Variants in CDH13 observed in about 807,000 individuals in gnomAD.
CDH13 encodes the protein cadherin-13.
Under a neutral mutation model 63.8 loss-of-function variants are expected in CDH13, and 24 were observed. That is an observed-to-expected ratio of 0.38 (90% CI 0.27 to 0.53). The LOEUF (loss-of-function observed/expected upper bound fraction) is 0.53, where lower values mean the gene tolerates loss of function less well. Among genes scored for constraint, CDH13 ranks in the 20% least tolerant of loss-of-function variants. The pLI is 0.85. For missense variants in CDH13, 1,049 were observed against 903.1 expected, an observed-to-expected ratio of 1.16 and a Z score of -2.07; for synonymous variants, 503 against 355.3, an observed-to-expected ratio of 1.42 and a Z score of -4.67.
intron 11 of CDH13, among the ~76,000 whole-genome samples, chr16:83,766,190 A>T (rs866719036): frequency 1.3e-5 from 2 of 152,172 alleles, no homozygotes; most frequent in Non-Finnish European, 2.9e-5. Context: ...GCCCCACCAC[A>T]CACTGTTTTC....
At chr16:83,180,811 G>C (rs2038321244) in intron 4 of CDH13, 7 of 1,176,758 alleles carry the variant, frequency 5.9e-6, no homozygotes, top group Non-Finnish European at 8.5e-6. Flanking sequence ...GTAGTCATTT[G>C]TTGGCTTGTT....
At chr16:83,215,989 C>G (rs900279928) in intron 4 of CDH13, among the ~76,000 whole-genome samples, 4 of 149,524 alleles carry the variant, frequency 2.7e-5, no homozygotes, top group Admixed American at 2.7e-4. Context: ...AAAAGACCAC[C>G]CCCCATACTT....
At chr16:83,514,235 C>T (rs1241002972) in intron 7 of CDH13, among the ~76,000 whole-genome samples, 1 of 152,182 alleles carries the variant, frequency 6.6e-6, no homozygotes, top group Non-Finnish European at 1.5e-5. Flanking sequence ...GGGTCCTCCC[C>T]AAATTCATGT....
intron 2 of CDH13, among the ~76,000 whole-genome samples, chr16:82,925,526 A>G (rs2042275841): frequency 6.6e-6 from 1 of 152,232 alleles, no homozygotes; most frequent in Non-Finnish European, 1.5e-5. Flanking sequence ...GTCATGCACT[A>G]GCTGCAGAGG....
In CDH13 at chr16:82,991,919, CT is replaced by C. The variant is rs545204945; in HGVS notation, c.158-40086del. 3.1e-4 allele frequency among the ~76,000 whole-genome samples: 47 copies of C among 152,040 alleles called. No individual in the cohort carries two copies. In the South Asian group the frequency reaches 9.6e-3, roughly 31 times the overall value. On this transcript the variant is annotated intron_variant, in intron 2 of 13. Coordinates refer to ENST00000567109, the MANE Select transcript of CDH13 (RefSeq NM_001257.5). Reference sequence around the variant, plus strand: ...AGTGATATAAAGAAATTTACCAGAACTTTTTCCATTAATCAAAAAGAAGGTA... The same window carrying C: ...AGTGATATAAAGAAATTTACCAGAACTTTTCCATTAATCAAAAAGAAGGTA...
At chr16:82,986,538 T>A (rs956042149) in intron 2 of CDH13, among the ~76,000 whole-genome samples, 2 of 152,140 alleles carry the variant, frequency 1.3e-5, no homozygotes, top group Non-Finnish European at 2.9e-5. Flanking sequence ...CACACCCGAG[T>A]GTTATCTGGA....
chr16:83,344,796 A>G, intron 5 of CDH13, 66 bp from the exon 6 acceptor site: 3 of 1,566,498 alleles, frequency 1.9e-6, no homozygotes, highest in Non-Finnish European at 2.6e-6. Flanking sequence ...TTCTCTAGAG[A>G]ACCTTATTTG....
chr16:82,796,909 T>C (rs1254818601), intron 1 of CDH13, among the ~76,000 whole-genome samples: 2 of 152,232 alleles, frequency 1.3e-5, no homozygotes, highest in African/African-American at 2.4e-5. Flanking sequence ...TGGGAGACTA[T>C]TGACTCTGCT....
chr16:83,753,148 T>C (rs910944481), intron 11 of CDH13, among the ~76,000 whole-genome samples: 12 of 152,184 alleles, frequency 7.9e-5, no homozygotes, highest in Non-Finnish European at 1.0e-4. Context: ...AAAAAGCCCT[T>C]ATAAATCAGA....
At chr16:83,197,270 G>GAT (rs1567498224) in intron 4 of CDH13, among the ~76,000 whole-genome samples, 1 of 138,546 alleles carries the variant, frequency 7.2e-6, no homozygotes, top group African/African-American at 3.0e-5. Flanking sequence ...GTGTATCATA[G>GAT]GTATATATAT....
intron 6 of CDH13, among the ~76,000 whole-genome samples, chr16:83,454,714 AT>A (rs34207129): frequency 0.78 from 116,740 of 149,864 alleles, 45,395 homozygotes; most frequent in East Asian, 0.83. Context: ...TGTTCTATTG[AT>A]TTTTTTTTTT....
At chr16:82,854,774 C>A (rs964300796) in intron 1 of CDH13, among the ~76,000 whole-genome samples, 6 of 152,190 alleles carry the variant, frequency 3.9e-5, no homozygotes, top group Non-Finnish European at 7.3e-5. Flanking sequence ...CCAGAGAGAT[C>A]TATATTTTCC....
chr16:82,659,481 CA>C (rs1332232013), intron 1 of CDH13, among the ~76,000 whole-genome samples: 2 of 152,134 alleles, frequency 1.3e-5, no homozygotes, highest in Admixed American at 6.5e-5. Context: ...AGTCCATTCT[CA>C]AATGGAAATT....
intron 2 of CDH13, among the ~76,000 whole-genome samples, chr16:82,957,083 A>G (rs1346781378): frequency 6.6e-6 from 1 of 152,072 alleles, no homozygotes; most frequent in East Asian, 1.9e-4. Flanking sequence ...CTGTGTCCTC[A>G]TGGCCCCAGA....
At chr16:83,791,662 T>C (rs1382486553) in intron 13 of CDH13, among the ~76,000 whole-genome samples, 2 of 151,174 alleles carry the variant, frequency 1.3e-5, no homozygotes, top group Non-Finnish European at 2.9e-5. Context: ...AATACAAAAA[T>C]TAGCTGGGTG....
At chr16:83,294,882 C>G (rs965373919) in intron 5 of CDH13, among the ~76,000 whole-genome samples, 1 of 151,914 alleles carries the variant, frequency 6.6e-6, no homozygotes, top group Non-Finnish European at 1.5e-5. Context: ...AAAAATCATC[C>G]TAAAAATCAT....
intron 3 of CDH13, among the ~76,000 whole-genome samples, chr16:83,080,175 G>A (rs935874799): frequency 1.3e-5 from 2 of 152,024 alleles, no homozygotes; most frequent in African/African-American, 2.4e-5. Flanking sequence ...TTTCTCTCTC[G>A]GTTCATCCAT....
chr16:83,078,288 C>A (rs2032995645), intron 3 of CDH13, among the ~76,000 whole-genome samples: 5 of 152,130 alleles, frequency 3.3e-5, no homozygotes, highest in Admixed American at 2.6e-4. Context: ...AGTCCCCAAC[C>A]TTTTGGCACC....
At chr16:82,832,783 A>G (rs1007861598) in intron 1 of CDH13, among the ~76,000 whole-genome samples, 1 of 152,214 alleles carries the variant, frequency 6.6e-6, no homozygotes, top group South Asian at 2.1e-4. Flanking sequence ...TAAATAGATA[A>G]AAAGATAATG....
Sources: allele counts gnomAD v4.1 joint callset (sites outside exome capture counted in the v4.1 genomes callset), GRCh38; gene constraint gnomAD v4.1.1; transcripts MANE v1.5; gene names NCBI Gene and HGNC (gene_info 2026-07-23, HGNC 2026-07-21).